MASP1: variants seen among roughly 807,000 people sequenced by gnomAD.
MASP1 encodes the protein mannan-binding lectin serine protease 1.
In MASP1, 59 loss-of-function variants were observed where a neutral mutation model predicts 77.1. That is an observed-to-expected ratio of 0.77 (90% CI 0.62 to 0.95). MASP1 has a LOEUF of 0.95. Among genes scored for constraint, MASP1 ranks in the 40% least tolerant of loss-of-function variants. MASP1 has a pLI of 0.00. For synonymous variants in MASP1, 362 were observed against 354.5 expected (o/e 1.02, Z -0.24); for missense variants, 885 against 912.9 (o/e 0.97, Z 0.39).
At chr3:187,243,804 G>T (rs1206385578) in intron 8 of MASP1, 183 bp from the exon 9 acceptor site, 4 of 713,316 alleles carry the variant, frequency 5.6e-6, no homozygotes, top group African/African-American at 3.5e-5. Flanking sequence ...GCTACCCATG[G>T]TCCTGCTTTT....
exon 14 of MASP1, chr3:187,223,157 G>C: frequency 6.2e-7 from 1 of 1,614,204 alleles, no homozygotes; most frequent in South Asian, 1.1e-5. Context: ...ACCTTTGCAA[G>C]AACTGCTTCC....
intron 6 of MASP1, 110 bp downstream of exon 6, chr3:187,253,058 C>T: frequency 7.0e-7 from 1 of 1,423,576 alleles, no homozygotes; most frequent in Non-Finnish European, 9.9e-7. Flanking sequence ...AACTGGGAGT[C>T]CCATCAGGTC....
intron 5 of MASP1, among the ~76,000 whole-genome samples, chr3:187,253,615 G>T (rs1363359857): frequency 1.3e-5 from 2 of 152,128 alleles, no homozygotes; most frequent in African/African-American, 4.8e-5. Flanking sequence ...ATGATAGACT[G>T]GCATTGATGT....
chr3:187,282,664 G>A (rs1216157434), intron 2 of MASP1, among the ~76,000 whole-genome samples: 1 of 152,120 alleles, frequency 6.6e-6, no homozygotes, highest in African/African-American at 2.4e-5. Flanking sequence ...AGGGGCACAG[G>A]GTGGTTTCCA....
At chr3:187,227,750 T>C (rs1181197741) in intron 11 of MASP1, among the ~76,000 whole-genome samples, 1 of 152,132 alleles carries the variant, frequency 6.6e-6, no homozygotes, top group Admixed American at 6.5e-5. Context: ...TGGGCTGAGG[T>C]ACCCAGGTTA....
At chr3:187,246,836 CTG>C (rs1304069027) in intron 8 of MASP1, 1 of 1,006,166 alleles carries the variant, frequency 9.9e-7, no homozygotes, top group Non-Finnish European at 1.2e-6. Flanking sequence ...AATCCACACT[CTG>C]TGAGTTATTA....
chr3:187,258,629 C>T (rs938626323), intron 4 of MASP1, among the ~76,000 whole-genome samples: 43 of 152,280 alleles, frequency 2.8e-4, no homozygotes, highest in African/African-American at 1.0e-3. Context: ...CCTGCTGTAA[C>T]CCTTCATAAG....
exon 13 of MASP1, chr3:187,225,491 C>A: frequency 6.2e-7 from 1 of 1,614,092 alleles, no homozygotes; most frequent in Non-Finnish European, 8.5e-7. Flanking sequence ...TTCATCTGAC[C>A]GGAGCCTCCA....
chr3:187,236,241 C>G lies in MASP1; in HGVS notation c.1630G>C (p.Asp544His), dbSNP rs1374311994. The change falls in exon 11 of 11, where the codon GAC becomes CAC. Residue 544 changes from aspartate (D) to histidine (H), a missense_variant. Asp to His is a moderately conservative substitution (Grantham distance 81, BLOSUM62 -1). Coordinates refer to ENST00000296280, the MANE Select transcript of MASP1 (RefSeq NM_139125.4). ...SSAARVVLHP[D>H]FNIQNYNHDI... ...TGGTTGTAGTTTTGGATGTTGAAGT[C>G]TGGGTGGAGCACCACTCGGGCAGCT... 4 of 1,614,264 alleles carry G rather than the reference C, an allele frequency of 2.5e-6. No individual in the cohort carries two copies. In the South Asian group the frequency reaches 4.4e-5, roughly 18 times the overall value.
intron 10 of MASP1, 61 bp downstream of exon 10, chr3:187,241,420 C>T: frequency 7.2e-7 from 1 of 1,389,626 alleles, no homozygotes; most frequent in Non-Finnish European, 1.0e-6. Context: ...AGCCAGAAAA[C>T]CTGGGGTCCT....
intron 11 of MASP1, among the ~76,000 whole-genome samples, chr3:187,228,941 T>C (rs1712602911): frequency 6.6e-6 from 1 of 152,212 alleles, no homozygotes; most frequent in Non-Finnish European, 1.5e-5. Flanking sequence ...CCACCCCTGG[T>C]TGGATCTGGA....
chr3:187,234,818 G>A lies in MASP1; in HGVS notation c.*866C>T, dbSNP rs1011915401. 1.0e-5 allele frequency: 13 copies of A among 1,287,150 alleles called. No individual in the cohort carries two copies. The highest frequency in any genetic ancestry group is 1.3e-5 in the Non-Finnish European group (13 of 988,722). The allele number at this position is 1,287,150 out of a possible 1,614,324, so 79.7% of individuals were successfully genotyped here. A position where few individuals can be genotyped will look rare whatever the true frequency, so the allele number is the denominator to read the frequency against. On this transcript the variant is annotated 3_prime_UTR_variant, in exon 11 of 11. Transcript: ENST00000296280. ...CATATTCGGGCCTGGGCTTCAGGTA[G>A]CCTTTCAGATAATACATTTCAAGGC... is the stretch of plus-strand genomic sequence containing the variant.
At chr3:187,232,939 G>A (rs927189124), downstream of MASP1, among the ~76,000 whole-genome samples, 11 of 152,300 alleles carry the variant, frequency 7.2e-5, no homozygotes, top group South Asian at 2.1e-4. Flanking sequence ...CCATGAGTGC[G>A]TCCCATGGTG....
chr3:187,257,542 A>G (rs1715198676), intron 4 of MASP1, among the ~76,000 whole-genome samples: 1 of 151,930 alleles, frequency 6.6e-6, no homozygotes, highest in South Asian at 2.1e-4. Context: ...GTGCTATAAC[A>G]CCTGGCTGAT....
intron 1 of MASP1, chr3:187,291,388 G>C (rs16861893): frequency 1.7e-6 from 1 of 596,610 alleles, no homozygotes; most frequent in East Asian, 2.9e-5. Context: ...CTTCAGCAGC[G>C]TCCGGAGCAG....
intron 2 of MASP1, among the ~76,000 whole-genome samples, chr3:187,275,968 T>A (rs947439412): frequency 2.0e-5 from 3 of 151,994 alleles, no homozygotes; most frequent in African/African-American, 7.3e-5. Context: ...CAGTCTCCCA[T>A]CCCGCCCCCC....
chr3:187,223,933 G>C (rs1278497231), intron 13 of MASP1, among the ~76,000 whole-genome samples: 1 of 152,174 alleles, frequency 6.6e-6, no homozygotes, highest in Admixed American at 6.5e-5. Flanking sequence ...TGTAAATGAG[G>C]CTACAGTGCC....
rs552486098 is a variant in MASP1 at position 187,245,501 on chromosome 3, C to T, written c.1091-1880G>A. On this transcript the variant is annotated intron_variant, in intron 8 of 10. Transcript: ENST00000296280. ...TTGCCCACTGATACAGCTGGCCCTA[C>T]AACTAGGTAGAGGGGGTGATAAATA... 3.3e-5 allele frequency among the ~76,000 whole-genome samples: 5 copies of T among 152,252 alleles called. No homozygotes were observed. The East Asian group carries it at 9.7e-4, about 29-fold the overall frequency.
intron 5 of MASP1, among the ~76,000 whole-genome samples, chr3:187,256,212 T>C (rs1267329653): frequency 3.9e-5 from 6 of 152,176 alleles, no homozygotes; most frequent in African/African-American, 1.4e-4. Flanking sequence ...TGGGGCAAAA[T>C]GAAAATACGG....
Sources: allele counts gnomAD v4.1 joint callset (sites outside exome capture counted in the v4.1 genomes callset), GRCh38; gene constraint gnomAD v4.1.1; transcripts MANE v1.5; gene names NCBI Gene and HGNC (gene_info 2026-07-23, HGNC 2026-07-21).